The following PIGK variants were observed in gnomAD, a reference collection of about 807,000 sequenced individuals.
The protein encoded by PIGK is phosphatidylinositol glycan anchor biosynthesis class K, also known as GPI-anchor transamidase.
Under a neutral mutation model 50.6 loss-of-function variants are expected in PIGK, and 42 were observed. That is an observed-to-expected ratio of 0.83 (90% CI 0.65 to 1.07). The LOEUF is 1.07. Ranked by LOEUF, PIGK falls within the 50% of genes least tolerant of loss-of-function variation. The pLI, the probability that PIGK is intolerant of heterozygous loss-of-function variation, is 0.00. For synonymous variants in PIGK, 151 were observed against 156.0 expected (o/e 0.97, Z 0.24); for missense variants, 448 against 488.7 (o/e 0.92, Z 0.78).
At chr1:77,119,329 A>G (rs1427911651) in intron 10 of PIGK, among the ~76,000 whole-genome samples, 1 of 152,212 alleles carries the variant, frequency 6.6e-6, no homozygotes, top group Non-Finnish European at 1.5e-5. Flanking sequence ...TTCTTATTAT[A>G]CAGGTCTATG....
At chr1:77,151,796 A>G (rs1208096750) in intron 9 of PIGK, among the ~76,000 whole-genome samples, 1 of 152,182 alleles carries the variant, frequency 6.6e-6, no homozygotes, top group Non-Finnish European at 1.5e-5. Context: ...AAAGTGAAAG[A>G]TCTCTACAGG....
intron 9 of PIGK, among the ~76,000 whole-genome samples, chr1:77,142,500 T>C (rs1472595449): frequency 6.6e-6 from 1 of 152,188 alleles, no homozygotes; most frequent in Non-Finnish European, 1.5e-5. Context: ...AGGTACTGTA[T>C]TAGTCCATTT....
At chr1:77,212,926 G>A (rs1557434023) in intron 1 of PIGK, among the ~76,000 whole-genome samples, 1 of 151,964 alleles carries the variant, frequency 6.6e-6, no homozygotes, top group Non-Finnish European at 1.5e-5. Flanking sequence ...AGGAAACATT[G>A]AATTTATTTT....
At chr1:77,199,631 T>C (rs1656116239) in intron 3 of PIGK, among the ~76,000 whole-genome samples, 1 of 151,884 alleles carries the variant, frequency 6.6e-6, no homozygotes, top group South Asian at 2.1e-4. Flanking sequence ...AATAAATGAA[T>C]TGTAATGGCA....
At chr1:77,210,353 T>C (rs1656388367) in intron 2 of PIGK, 83 bp downstream of exon 2, 11 of 737,954 alleles carry the variant, frequency 1.5e-5, no homozygotes, top group Non-Finnish European at 1.9e-5. Flanking sequence ...AAATAAATTG[T>C]ATTTTCAAAA....
At chr1:77,104,057 T>A (rs1653611465) in intron 10 of PIGK, among the ~76,000 whole-genome samples, 2 of 150,036 alleles carry the variant, frequency 1.3e-5, no homozygotes, top group Non-Finnish European at 3.0e-5. Flanking sequence ...CTGGATCTGT[T>A]GGTAACAACT....
At chr1:77,156,663 T>C (rs113897486) in intron 8 of PIGK, among the ~76,000 whole-genome samples, 145 of 152,318 alleles carry the variant, frequency 9.5e-4, no homozygotes, top group African/African-American at 3.3e-3. Context: ...GCGGGTATTT[T>C]ATTTCCCTAG....
At chr1:77,143,343 C>A (rs4949771) in intron 9 of PIGK, among the ~76,000 whole-genome samples, 60,893 of 151,790 alleles carry the variant, frequency 0.4, 14,721 homozygotes, top group African/African-American at 0.66. Flanking sequence ...CATAGATAAA[C>A]TTCCATATTG....
chr1:77,133,341 T>C (rs1654422480), intron 9 of PIGK, among the ~76,000 whole-genome samples: 1 of 152,168 alleles, frequency 6.6e-6, no homozygotes, highest in African/African-American at 2.4e-5. Flanking sequence ...ATGTTCATTA[T>C]TTTAGTTATA....
chr1:77,092,615 T>A, intron 10 of PIGK, 125 bp from the exon 11 acceptor site: 1 of 652,184 alleles, frequency 1.5e-6, no homozygotes, highest in Admixed American at 2.9e-5. Context: ...GTTAGTCAAA[T>A]TAAACACATT....
intron 9 of PIGK, among the ~76,000 whole-genome samples, chr1:77,138,078 C>T (rs566669467): frequency 3.4e-4 from 52 of 152,096 alleles, no homozygotes; most frequent in Non-Finnish European, 5.3e-4. Flanking sequence ...CTGTATTGTC[C>T]ACTTTCCTGG....
chr1:77,110,714 A>T (rs1462254755), intron 10 of PIGK, among the ~76,000 whole-genome samples: 10 of 152,166 alleles, frequency 6.6e-5, no homozygotes, highest in Non-Finnish European at 2.9e-5. Context: ...GGACTTCACG[A>T]CTAAAACACC....
At chr1:77,183,716 A>G (rs867461744) in intron 3 of PIGK, among the ~76,000 whole-genome samples, 2 of 152,096 alleles carry the variant, frequency 1.3e-5, no homozygotes, top group Non-Finnish European at 2.9e-5. Context: ...TTGCACCTCG[A>G]GGAGGGGGAG....
rs1015258595 is a variant in PIGK at position 77,092,337 on chromosome 1, T to G, written c.*37A>C. On this transcript the variant is annotated 3_prime_UTR_variant, in exon 11 of 11. Coordinates refer to ENST00000370812, the MANE Select transcript of PIGK (RefSeq NM_005482.3). ...TAATGACATAAATTATTATCCAAGTTTGCAGTCCTCCATGCATTCTTCATT... is the reference window on the plus strand; with the variant it reads ...TAATGACATAAATTATTATCCAAGTGTGCAGTCCTCCATGCATTCTTCATT... 1.2e-6 allele frequency: 1 copy of G among 832,394 alleles called. No individual in the cohort carries two copies. The highest frequency in any genetic ancestry group is 1.9e-6 in the Non-Finnish European group (1 of 512,990). 51.6% of individuals were successfully genotyped at this position (832,394 alleles called of 1,614,324 possible). A position where few individuals can be genotyped will look rare whatever the true frequency, so the allele number is the denominator to read the frequency against.
chr1:77,197,131 C>T (rs1477140993), intron 3 of PIGK, among the ~76,000 whole-genome samples: 1 of 152,090 alleles, frequency 6.6e-6, no homozygotes, highest in Non-Finnish European at 1.5e-5. Flanking sequence ...ACATGATAGG[C>T]TGATTCAGGA....
At chr1:77,161,805 T>A (rs565383285) in intron 6 of PIGK, 94 bp from the exon 7 acceptor site, 4 of 693,958 alleles carry the variant, frequency 5.8e-6, no homozygotes, top group Middle Eastern at 3.8e-4. Context: ...TTAAATCATA[T>A]CTTAGTCATT....
Position 77,161,648 on chromosome 1 carries a change from A to G in PIGK, c.648T>C (p.Tyr216=), listed in dbSNP as rs139604872. The G allele has an allele frequency of 2.5e-6, 4 of 1,592,058 alleles. No homozygotes were observed. Among genetic ancestry groups the G allele is most frequent in the Non-Finnish European group, 3.4e-6 (4 of 1,160,120 alleles). Residue 216 remains tyrosine, a synonymous_variant, in exon 7 of 11, where the codon TAT becomes TAC. Transcript: ENST00000370812. ...TAGCTAGAGCCATTATGTTAGGAGAATAAAATCGTTCATACATGGATGCTC... is the reference window on the plus strand; with the variant it reads ...TAGCTAGAGCCATTATGTTAGGAGAGTAAAATCGTTCATACATGGATGCTC... ...CQGASMYERF[Y]SPNIMALASS...
intron 5 of PIGK, among the ~76,000 whole-genome samples, chr1:77,164,898 T>C (rs986894351): frequency 1.3e-5 from 2 of 152,148 alleles, no homozygotes; most frequent in Admixed American, 6.6e-5. Flanking sequence ...TAAATATTAT[T>C]ATCATATTAT....
At chr1:77,129,524 C>T in intron 9 of PIGK, 1 of 1,364,518 alleles carries the variant, frequency 7.3e-7, no homozygotes, top group African/African-American at 1.4e-5. Context: ...GTCGGATTAA[C>T]CCATACATGA....
Sources: gnomAD v4.1 joint callset for allele counts (sites outside exome capture counted in the v4.1 genomes callset) on GRCh38, gnomAD v4.1.1 for gene constraint, MANE v1.5 for transcripts, NCBI Gene and HGNC (gene_info 2026-07-23, HGNC 2026-07-21) for gene names.